PALLD: variants seen among roughly 807,000 people sequenced by gnomAD.
PALLD encodes the protein palladin, cytoskeletal associated protein, also known as palladin.
A neutral mutation model predicts 123.5 loss-of-function variants in PALLD; 61 were observed. The observed-to-expected ratio is 0.49, with a 90% confidence interval of 0.40 to 0.61. PALLD has a LOEUF of 0.61. PALLD is among the 20% of genes least tolerant of loss of function. PALLD has a pLI of 0.00. For missense variants in PALLD, 1,273 were observed against 1,377.0 expected (o/e 0.92, Z 1.20); for synonymous variants, 465 against 496.4 (o/e 0.94, Z 0.84).
At chr4:168,623,665 A>G (rs940264543) in intron 2 of PALLD, among the ~76,000 whole-genome samples, 5 of 152,240 alleles carry the variant, frequency 3.3e-5, no homozygotes, top group Admixed American at 3.3e-4. Context: ...GCATAAGGAA[A>G]GGCATACCGG....
At chr4:168,552,273 G>C (rs1335029530) in intron 2 of PALLD, among the ~76,000 whole-genome samples, 1 of 152,172 alleles carries the variant, frequency 6.6e-6, no homozygotes, top group Non-Finnish European at 1.5e-5. Flanking sequence ...AAGCCAACGT[G>C]GGGTGAGGGG....
At chr4:168,841,212 G>A (rs1224331966) in intron 10 of PALLD, among the ~76,000 whole-genome samples, 1 of 152,144 alleles carries the variant, frequency 6.6e-6, no homozygotes, top group Non-Finnish European at 1.5e-5. Context: ...GTGAGCTGTT[G>A]GACCTGGATC....
At chr4:168,544,172 A>T (rs1257513326) in intron 2 of PALLD, among the ~76,000 whole-genome samples, 1 of 152,240 alleles carries the variant, frequency 6.6e-6, no homozygotes, top group Non-Finnish European at 1.5e-5. Flanking sequence ...TTCTGTTTAT[A>T]CTTTCTCTCA....
chr4:168,599,921 T>TAC (rs1772379248), intron 2 of PALLD, among the ~76,000 whole-genome samples: 1 of 151,976 alleles, frequency 6.6e-6, no homozygotes, highest in South Asian at 2.1e-4. Context: ...CACATATATA[T>TAC]ACACATGCAC....
At chr4:168,534,250 A>G (rs1354400713) in intron 2 of PALLD, among the ~76,000 whole-genome samples, 1 of 152,200 alleles carries the variant, frequency 6.6e-6, no homozygotes, top group Admixed American at 6.5e-5. Context: ...TGAAGTCAGG[A>G]CACAGAGGTG....
chr4:168,579,027 G>A (rs1769948605), intron 2 of PALLD, among the ~76,000 whole-genome samples: 1 of 151,086 alleles, frequency 6.6e-6, no homozygotes, highest in African/African-American at 2.4e-5. Context: ...AGTTTTCACA[G>A]GAAAAGAAGA....
intron 1 of PALLD, among the ~76,000 whole-genome samples, chr4:168,498,820 T>A (rs1031037890): frequency 1.3e-5 from 2 of 152,170 alleles, no homozygotes; most frequent in African/African-American, 2.4e-5. Flanking sequence ...AAATGGATAA[T>A]TCAGAAGTAA....
At chr4:168,618,057 G>A (rs1399394839) in intron 2 of PALLD, among the ~76,000 whole-genome samples, 1 of 152,116 alleles carries the variant, frequency 6.6e-6, no homozygotes, top group Non-Finnish European at 1.5e-5. Flanking sequence ...AGAAAATAAA[G>A]TAACACCAAT....
intron 10 of PALLD, among the ~76,000 whole-genome samples, chr4:168,850,453 A>G (rs1747576845): frequency 6.6e-6 from 1 of 152,004 alleles, no homozygotes; most frequent in Non-Finnish European, 1.5e-5. Flanking sequence ...AAAGCCTGGA[A>G]AAAATGCGGT....
At chr4:168,777,881 C>G (rs1272297012) in intron 10 of PALLD, among the ~76,000 whole-genome samples, 1 of 152,170 alleles carries the variant, frequency 6.6e-6, no homozygotes, top group African/African-American at 2.4e-5. Flanking sequence ...CATCACCAGT[C>G]CTGCACTGTA....
chr4:168,877,834 G>A (rs1751975333), intron 10 of PALLD: 8 of 1,308,180 alleles, frequency 6.1e-6, no homozygotes, highest in South Asian at 2.2e-5. Flanking sequence ...CCCCCTTCCC[G>A]CCGCCGCCCG....
intron 10 of PALLD, among the ~76,000 whole-genome samples, chr4:168,736,179 T>G (rs900349795): frequency 2.0e-5 from 3 of 152,242 alleles, no homozygotes; most frequent in African/African-American, 7.2e-5. Context: ...TTCTCAAAAA[T>G]GGCCTCATTT....
chr4:168,824,884 C>T (rs993765555), intron 10 of PALLD, among the ~76,000 whole-genome samples: 33 of 144,312 alleles, frequency 2.3e-4, no homozygotes, highest in African/African-American at 3.6e-4. Flanking sequence ...TGCAGTGGCA[C>T]GATCTTGGCT....
chr4:168,862,534 G>A (rs749412129), intron 10 of PALLD, among the ~76,000 whole-genome samples: 3 of 152,178 alleles, frequency 2.0e-5, no homozygotes, highest in Non-Finnish European at 4.4e-5. Flanking sequence ...GTCCAATTCT[G>A]TTGGGCAAAA....
chr4:168,631,680 AG>A, intron 2 of PALLD: 1 of 985,410 alleles, frequency 1.0e-6, no homozygotes. Context: ...CGCCGCCAGG[AG>A]GCTTCCCGGG....
At chr4:168,718,337 A>G (rs1227590187) in intron 10 of PALLD, among the ~76,000 whole-genome samples, 1 of 152,250 alleles carries the variant, frequency 6.6e-6, no homozygotes, top group Non-Finnish European at 1.5e-5. Context: ...GGTAAGCAAA[A>G]ACAAGTTGGG....
chr4:168,905,891 C>G (rs1020057780), intron 15 of PALLD, among the ~76,000 whole-genome samples: 1 of 149,994 alleles, frequency 6.7e-6, no homozygotes, highest in Admixed American at 6.7e-5. Flanking sequence ...TCTCCACCTC[C>G]TGGGTTCAAG....
intron 15 of PALLD, among the ~76,000 whole-genome samples, chr4:168,906,752 A>G (rs561511106): frequency 3.3e-5 from 5 of 152,270 alleles, no homozygotes; most frequent in African/African-American, 7.2e-5. Flanking sequence ...AGCCTCCCAA[A>G]GCACTGGAAT....
At chr4:168,556,318 A>C (rs1043562760) in intron 2 of PALLD, among the ~76,000 whole-genome samples, 5 of 151,974 alleles carry the variant, frequency 3.3e-5, no homozygotes, top group Admixed American at 6.6e-5. Context: ...GATGCTCTCG[A>C]TCTCCTGACC....
Sources: gnomAD v4.1 joint callset for allele counts (sites outside exome capture counted in the v4.1 genomes callset) on GRCh38, gnomAD v4.1.1 for gene constraint, MANE v1.5 for transcripts, NCBI Gene and HGNC (gene_info 2026-07-23, HGNC 2026-07-21) for gene names.